The following KCNK1 variants were observed in gnomAD, a reference collection of about 807,000 sequenced individuals.
KCNK1 encodes the protein potassium two pore domain channel subfamily K member 1.
A neutral mutation model predicts 22.2 loss-of-function variants in KCNK1; 10 were observed. That is an observed-to-expected ratio of 0.45 (90% CI 0.28 to 0.76). The LOEUF (loss-of-function observed/expected upper bound fraction) is 0.76, where lower values mean the gene tolerates loss of function less well. Among genes scored for constraint, KCNK1 ranks in the 30% least tolerant of loss-of-function variants. The pLI is 0.14. For missense variants in KCNK1, 378 were observed against 421.0 expected, an observed-to-expected ratio of 0.90 and a Z score of 0.89; for synonymous variants, 200 against 186.4, an observed-to-expected ratio of 1.07 and a Z score of -0.60.
At chr1:233,632,575 G>A (rs1416521490) in intron 1 of KCNK1, among the ~76,000 whole-genome samples, 1 of 152,138 alleles carries the variant, frequency 6.6e-6, no homozygotes, top group Non-Finnish European at 1.5e-5. Context: ...TCTCTGTTGT[G>A]TGGGCTTCAC....
intron 1 of KCNK1, chr1:233,661,889 A>G (rs1185675645): frequency 6.6e-6 from 1 of 152,224 alleles, no homozygotes; most frequent in Non-Finnish European, 1.5e-5. Context: ...GAAAAAGTCA[A>G]CCTGACCTGA....
chr1:233,669,512 C>G (rs1326934638), intron 2 of KCNK1, among the ~76,000 whole-genome samples: 4 of 152,046 alleles, frequency 2.6e-5, no homozygotes, highest in African/African-American at 9.7e-5. Flanking sequence ...TTGTCTGAAA[C>G]CCCATGGATA....
intron 1 of KCNK1, among the ~76,000 whole-genome samples, chr1:233,627,898 A>G (rs767641150): frequency 2.0e-5 from 3 of 152,256 alleles, no homozygotes; most frequent in Non-Finnish European, 2.9e-5. Flanking sequence ...CTCTGGTGGA[A>G]CACCAGAGTT....
chr1:233,621,279 G>A (rs1336864044), intron 1 of KCNK1, among the ~76,000 whole-genome samples: 1 of 152,224 alleles, frequency 6.6e-6, no homozygotes, highest in Non-Finnish European at 1.5e-5. Context: ...AATGAAGCTT[G>A]CAGACACATT....
chr1:233,667,392 G>T (rs959126533), intron 2 of KCNK1, among the ~76,000 whole-genome samples: 1 of 152,030 alleles, frequency 6.6e-6, no homozygotes, highest in Non-Finnish European at 1.5e-5. Flanking sequence ...AATTACAGAC[G>T]AATTTCTTAC....
chr1:233,666,019 T>A (rs1391464679), intron 1 of KCNK1, among the ~76,000 whole-genome samples: 1 of 152,254 alleles, frequency 6.6e-6, no homozygotes, highest in Admixed American at 6.5e-5. Context: ...TCATTTTTCT[T>A]CCGCTTTTTG....
intron 1 of KCNK1, among the ~76,000 whole-genome samples, chr1:233,615,022 C>A (rs1657462129): frequency 6.6e-6 from 1 of 152,236 alleles, no homozygotes; most frequent in South Asian, 2.1e-4. Context: ...ATAATACCTT[C>A]TAAAGGGTCA....
chr1:233,624,449 C>T (rs1295145903), intron 1 of KCNK1, among the ~76,000 whole-genome samples: 2 of 152,178 alleles, frequency 1.3e-5, no homozygotes, highest in African/African-American at 2.4e-5. Context: ...CCTGGCCTCA[C>T]CTATCTTCAC....
intron 2 of KCNK1, 30 bp from the exon 3 acceptor site, chr1:233,671,241 C>T: frequency 6.2e-7 from 1 of 1,609,574 alleles, no homozygotes; most frequent in South Asian, 1.1e-5. Context: ...GTTGAGATCA[C>T]ACTAAGACAG....
At chr1:233,666,342 A>G (rs565690240) in intron 1 of KCNK1, among the ~76,000 whole-genome samples, 34 of 152,176 alleles carry the variant, frequency 2.2e-4, no homozygotes, top group Non-Finnish European at 4.6e-4. Flanking sequence ...ATTCAAGACC[A>G]GAGACCCTGA....
rs746604196 is a variant in KCNK1, at chr1:233,666,592, C to T, written c.356-3C>T. 1 of 1,590,788 alleles carries T rather than the reference C, an allele frequency of 6.3e-7. No individual in the cohort carries two copies. The highest frequency in any genetic ancestry group is 8.6e-7 in the Non-Finnish European group (1 of 1,167,514). The stretch of plus-strand genomic sequence containing the variant: ...CGCCTCAGTGACCTTGTTCTCCTTG[C>T]AGGTTATGGCCACACCGTGCCCTTG... On this transcript the variant is annotated splice_region_variant and splice_polypyrimidine_tract_variant and intron_variant, in intron 1 of 2. Coordinates refer to ENST00000366621, the MANE Select transcript of KCNK1 (RefSeq NM_002245.4).
At chr1:233,640,561 G>A (rs1657982908) in intron 1 of KCNK1, among the ~76,000 whole-genome samples, 1 of 152,216 alleles carries the variant, frequency 6.6e-6, no homozygotes, top group East Asian at 1.9e-4. Flanking sequence ...TGATTTCCCT[G>A]TGATGGAACT....
At chr1:233,633,577 T>C (rs1475685754) in intron 1 of KCNK1, among the ~76,000 whole-genome samples, 1 of 152,212 alleles carries the variant, frequency 6.6e-6, no homozygotes, top group Non-Finnish European at 1.5e-5. Context: ...AATAAAGTCA[T>C]GGTGCTAATT....
chr1:233,631,307 CT>C (rs745842479), intron 1 of KCNK1: 22 of 531,172 alleles, frequency 4.1e-5, no homozygotes, highest in South Asian at 3.1e-4. Flanking sequence ...CACTGAACCC[CT>C]AATGTGTGTT....
At position 233,658,067 on chromosome 1, in the gene KCNK1, C is replaced by T. The variant is rs142802595; in HGVS notation, c.356-8528C>T. Reference sequence around the variant, plus strand: ...GGTGTGAAAAGACATGGCAGGGATTCGTATTTTTAAAATGGATGGAAAAAC... The same window carrying T: ...GGTGTGAAAAGACATGGCAGGGATTTGTATTTTTAAAATGGATGGAAAAAC... On this transcript the variant is annotated intron_variant, in intron 1 of 2. Coordinates refer to ENST00000366621, the MANE Select transcript of KCNK1 (RefSeq NM_002245.4). 6.6e-3 allele frequency among the ~76,000 whole-genome samples: 998 copies of T among 151,876 alleles called. 15 individuals carry two copies. The highest frequency in any genetic ancestry group is 0.022 in the African/African-American group (925 of 41,424).
At chr1:233,627,785 GA>G (rs928130140) in intron 1 of KCNK1, among the ~76,000 whole-genome samples, 17 of 152,158 alleles carry the variant, frequency 1.1e-4, no homozygotes, top group African/African-American at 4.1e-4. Context: ...ATGGAATAAG[GA>G]AAAAAAACTA....
At chr1:233,632,635 C>A (rs879611032) in intron 1 of KCNK1, among the ~76,000 whole-genome samples, 5 of 152,150 alleles carry the variant, frequency 3.3e-5, no homozygotes, top group African/African-American at 4.8e-5. Context: ...TCGGTGACCA[C>A]ATAGTGTGTG....
chr1:233,622,681 T>G (rs1355923484), intron 1 of KCNK1, among the ~76,000 whole-genome samples: 1 of 152,146 alleles, frequency 6.6e-6, no homozygotes, highest in African/African-American at 2.4e-5. Flanking sequence ...GATGTAGAGT[T>G]TGTGCACCTG....
intron 1 of KCNK1, among the ~76,000 whole-genome samples, chr1:233,624,685 G>A (rs1319330312): frequency 1.3e-5 from 2 of 152,196 alleles, no homozygotes; most frequent in Non-Finnish European, 2.9e-5. Context: ...TCTTGATGAG[G>A]AAACAGAGGC....
Sources: gnomAD v4.1 joint callset for allele counts (sites outside exome capture counted in the v4.1 genomes callset) on GRCh38, gnomAD v4.1.1 for gene constraint, MANE v1.5 for transcripts, NCBI Gene and HGNC (gene_info 2026-07-23, HGNC 2026-07-21) for gene names.